The following REPS2 variants were observed in gnomAD, a reference collection of about 807,000 sequenced individuals.
REPS2 encodes the protein ralBP1-associated Eps domain-containing protein 2.
A neutral mutation model predicts 53.6 loss-of-function variants in REPS2; 23 were observed. That is an observed-to-expected ratio of 0.43 (90% CI 0.31 to 0.61). The LOEUF is 0.61. Among genes scored for constraint, REPS2 ranks in the 20% least tolerant of loss-of-function variants. The pLI, the probability that REPS2 is intolerant of heterozygous loss-of-function variation, is 0.11. For missense variants in REPS2, 446 were observed against 534.9 expected (o/e 0.83, Z 1.64); for synonymous variants, 238 against 218.6 (o/e 1.09, Z -0.78).
chrX:17,077,649 C>T (rs371311951), intron 13 of REPS2, among the ~76,000 whole-genome samples: 2 of 112,293 alleles, frequency 1.8e-5, no homozygotes, highest in East Asian at 2.8e-4. Flanking sequence ...AATTCTCTAC[C>T]AAGAGGATAA....
intron 17 of REPS2, among the ~76,000 whole-genome samples, chrX:17,141,776 A>T (rs1367734633): frequency 8.9e-6 from 1 of 112,247 alleles, no homozygotes; most frequent in Admixed American, 9.4e-5. Context: ...TTTCTTTGTG[A>T]TTATTTACCT....
chrX:17,157,035 G>T (rs1441161416), downstream of REPS2, among the ~76,000 whole-genome samples: 1 of 111,704 alleles, frequency 9.0e-6, no homozygotes, highest in African/African-American at 3.3e-5. Flanking sequence ...GTGTGTATGT[G>T]TATGGAGGAT....
intron 13 of REPS2, among the ~76,000 whole-genome samples, chrX:17,090,933 C>A (rs1198977338): frequency 8.9e-6 from 1 of 111,943 alleles, no homozygotes; most frequent in Non-Finnish European, 1.9e-5. Flanking sequence ...CTAAGTTAAT[C>A]TCTTCGTATA....
At chrX:17,031,818 A>G (rs1260110186) in intron 5 of REPS2, among the ~76,000 whole-genome samples, 1 of 111,816 alleles carries the variant, frequency 8.9e-6, no homozygotes, top group Non-Finnish European at 1.9e-5. Context: ...ATACAAAGAC[A>G]TTTCCTATGG....
chrX:17,080,555 G>A (rs1425661608), intron 13 of REPS2, among the ~76,000 whole-genome samples: 82 of 111,910 alleles, frequency 7.3e-4, no homozygotes, highest in Non-Finnish European at 2.8e-4. Context: ...GAGTTGCAGG[G>A]TCAAAGGCTG....
chrX:17,146,808 C>G (rs1717500316), intron 17 of REPS2, among the ~76,000 whole-genome samples: 1 of 112,102 alleles, frequency 8.9e-6, no homozygotes. Flanking sequence ...CCCCTCTCTT[C>G]CTGCCAAAAA....
At chrX:17,137,917 A>G (rs1272874414) in intron 16 of REPS2, 1 of 112,567 alleles carries the variant, frequency 8.9e-6, no homozygotes, top group Non-Finnish European at 1.9e-5. Flanking sequence ...CCAATTATCA[A>G]TATTAATCAG....
intron 10 of REPS2, among the ~76,000 whole-genome samples, chrX:17,069,009 C>T (rs2062265351): frequency 9.0e-6 from 1 of 111,486 alleles, no homozygotes; most frequent in South Asian, 3.8e-4. Flanking sequence ...AGAGCTACTC[C>T]CAGGGAAGAG....
intron 5 of REPS2, among the ~76,000 whole-genome samples, chrX:17,032,719 G>C (rs1259743450): frequency 8.9e-6 from 1 of 111,993 alleles, no homozygotes. Context: ...ATTACAAGGG[G>C]GCATGTCCTC....
intron 16 of REPS2, chrX:17,136,115 C>G (rs994661921): frequency 1.8e-5 from 2 of 112,280 alleles, no homozygotes; most frequent in Admixed American, 9.4e-5. Context: ...GCTCCTGTCA[C>G]TTGACTGCAA....
chrX:17,016,021 CCCA>C (rs2147826165), intron 2 of REPS2, among the ~76,000 whole-genome samples: 1 of 111,768 alleles, frequency 8.9e-6, no homozygotes, highest in South Asian at 3.8e-4. Flanking sequence ...AGTTTACAGT[CCCA>C]CCAACAGTGT....
chrX:17,139,325 A>T (rs1355216558), intron 17 of REPS2, among the ~76,000 whole-genome samples: 3 of 111,938 alleles, frequency 2.7e-5, no homozygotes, highest in Admixed American at 9.4e-5. Context: ...TGTTTGAAGC[A>T]TTCTTTATTA....
rs538188364 is a variant in REPS2, at chrX:16,968,828, C to T, written c.273+21694C>T. ...GGTGGCTGGCCGGGCGGGGGGCTGA[C>T]CCCCCCACCTCCCTCCCGGACGGGG... is the stretch of plus-strand genomic sequence containing the variant. On this transcript the variant is annotated intron_variant, in intron 1 of 17. Coordinates refer to ENST00000357277, the MANE Select transcript of REPS2 (RefSeq NM_004726.3). 4.5e-3 allele frequency among the ~76,000 whole-genome samples: 438 copies of T among 97,752 alleles called. 1 individual carries two copies. The highest frequency in any genetic ancestry group is 0.015 in the South Asian group (32 of 2,071). The allele number at this position is 97,752 out of a possible 115,157, so 84.9% of individuals were successfully genotyped here. A position where few individuals can be genotyped will look rare whatever the true frequency, so the allele number is the denominator to read the frequency against.
intron 13 of REPS2, among the ~76,000 whole-genome samples, chrX:17,094,308 A>G (rs764245711): frequency 2.7e-5 from 3 of 112,292 alleles, no homozygotes; most frequent in African/African-American, 9.7e-5. Flanking sequence ...TATATGAAGA[A>G]GTCTAAAACC....
chrX:17,036,842 G>A (rs964673579), intron 5 of REPS2, among the ~76,000 whole-genome samples: 1 of 40,647 alleles, frequency 2.5e-5, no homozygotes, highest in African/African-American at 1.2e-4. Flanking sequence ...TAGAGGGAGA[G>A]AGTATAAGTG....
the REPS2 span, among the ~76,000 whole-genome samples, chrX:17,170,034 A>C: frequency 8.9e-6 from 1 of 112,931 alleles, no homozygotes; most frequent in Non-Finnish European, 1.9e-5. Flanking sequence ...GAGGAGAACC[A>C]TTCAACAGAG....
At chrX:17,078,626 A>G (rs184797619) in intron 13 of REPS2, among the ~76,000 whole-genome samples, 48 of 112,088 alleles carry the variant, frequency 4.3e-4, no homozygotes, top group Non-Finnish European at 6.4e-4. Flanking sequence ...TATGACCTGG[A>G]AGATTTTCCT....
intron 14 of REPS2, among the ~76,000 whole-genome samples, chrX:17,104,629 CCTT>C (rs1245602064): frequency 1.8e-5 from 2 of 111,646 alleles, no homozygotes; most frequent in Non-Finnish European, 3.8e-5. Context: ...ACATGCTTGT[CCTT>C]CTTTCAGTGA....
At chrX:17,068,239 G>A (rs1040258922) in intron 9 of REPS2, among the ~76,000 whole-genome samples, 163 bp from the exon 10 acceptor site, 5 of 110,609 alleles carry the variant, frequency 4.5e-5, no homozygotes, top group Non-Finnish European at 7.6e-5. Flanking sequence ...GTGTGAACCC[G>A]GGAGGTGGAG....
Sources: gnomAD v4.1 joint callset for allele counts (sites outside exome capture counted in the v4.1 genomes callset) on GRCh38, gnomAD v4.1.1 for gene constraint, MANE v1.5 for transcripts, NCBI Gene and HGNC (gene_info 2026-07-23, HGNC 2026-07-21) for gene names.